The following RBFOX1 variants were observed in gnomAD, a reference collection of about 807,000 sequenced individuals.
The protein encoded by RBFOX1 is RNA binding protein fox-1 homolog 1.
Under a neutral mutation model 57.7 loss-of-function variants are expected in RBFOX1, and 8 were observed. The observed-to-expected ratio is 0.14, with a 90% CI of 0.08 to 0.25. The LOEUF (loss-of-function observed/expected upper bound fraction) is 0.25, where lower values mean the gene tolerates loss of function less well. Among genes scored for constraint, RBFOX1 ranks in the 10% least tolerant of loss-of-function variants. The pLI is 1.00. For synonymous variants in RBFOX1, 326 were observed against 222.4 expected (o/e 1.47, Z -4.15); for missense variants, 611 against 548.5 (o/e 1.11, Z -1.14).
chr16:7,626,464 A>G (rs1387164630), intron 10 of RBFOX1, among the ~76,000 whole-genome samples: 1 of 152,144 alleles, frequency 6.6e-6, no homozygotes, highest in Non-Finnish European at 1.5e-5. Flanking sequence ...GATGCCGATG[A>G]TCCCGGCACT....
At chr16:5,748,996 C>T (rs2053089591) in intron 3 of RBFOX1, among the ~76,000 whole-genome samples, 1 of 152,182 alleles carries the variant, frequency 6.6e-6, no homozygotes, top group Non-Finnish European at 1.5e-5. Context: ...CATGTTTTTG[C>T]AGTGGCTGGT....
chr16:5,791,542 G>A (rs1015695191), intron 3 of RBFOX1, among the ~76,000 whole-genome samples: 1 of 152,072 alleles, frequency 6.6e-6, no homozygotes, highest in Non-Finnish European at 1.5e-5. Flanking sequence ...CTGACAGGCA[G>A]GCAGCACACA....
intron 4 of RBFOX1, among the ~76,000 whole-genome samples, chr16:7,259,375 A>C (rs2094826929): frequency 6.6e-6 from 1 of 152,166 alleles, no homozygotes; most frequent in African/African-American, 2.4e-5. Flanking sequence ...GTCGTTCAGC[A>C]CACATCACAT....
At chr16:5,897,271 A>G (rs930775907) in intron 4 of RBFOX1, among the ~76,000 whole-genome samples, 1 of 149,342 alleles carries the variant, frequency 6.7e-6, no homozygotes. Flanking sequence ...TCCTGACCTC[A>G]TGATCCACCC....
intron 3 of RBFOX1, among the ~76,000 whole-genome samples, chr16:5,796,639 GCTGA>G (rs916745779): frequency 3.3e-5 from 5 of 152,186 alleles, no homozygotes; most frequent in African/African-American, 1.2e-4. Flanking sequence ...CACTTACGGT[GCTGA>G]CTGTTTACTT....
chr16:7,243,896 A>G lies in RBFOX1; in HGVS notation c.27+191798A>G, dbSNP rs530829251. Among the ~76,000 whole-genome samples, 148 of 152,240 alleles carry G rather than the reference A, an allele frequency of 9.7e-4. 3 individuals carry two copies. In the South Asian group the frequency reaches 0.028, roughly 29 times the overall value. The stretch of plus-strand genomic sequence containing the variant: ...ATTATGTTATAATCTGGGATTTCAC[A>G]TAATCAAAACTCTTAATTTCTAATG... On this transcript the variant is annotated intron_variant, in intron 4 of 15. Transcript: ENST00000550418.
In RBFOX1 at chr16:5,998,671, C is replaced by G. The variant is rs76354919; in HGVS notation, c.351+131336C>G. Reference sequence around the variant, plus strand: ...AATCCTGAGTGCACTGGTGTGTTGTCGTCCCATCCGAATGTCCTTTCTGCT... The same window carrying G: ...AATCCTGAGTGCACTGGTGTGTTGTGGTCCCATCCGAATGTCCTTTCTGCT... On this transcript the variant is annotated intron_variant, in intron 4 of 19. Coordinates refer to the RBFOX1 transcript ENST00000641259. 2.6e-5 allele frequency among the ~76,000 whole-genome samples: 4 copies of G among 152,228 alleles called. No homozygotes were observed. In the South Asian group the frequency reaches 6.2e-4, roughly 24 times the overall value.
intron 1 of RBFOX1, among the ~76,000 whole-genome samples, chr16:6,253,975 T>C (rs10500338): frequency 0.59 from 89,655 of 151,846 alleles, 29,054 homozygotes; most frequent in East Asian, 0.81. Context: ...ACAGAACTCT[T>C]ATAAAGAACC....
At chr16:5,872,183 G>C (rs2057490741) in intron 4 of RBFOX1, among the ~76,000 whole-genome samples, 1 of 152,204 alleles carries the variant, frequency 6.6e-6, no homozygotes. Context: ...CAGAAGATCA[G>C]TCCTAGCCAT....
intron 4 of RBFOX1, among the ~76,000 whole-genome samples, chr16:7,229,363 A>C (rs2093343960): frequency 6.6e-6 from 1 of 152,150 alleles, no homozygotes; most frequent in African/African-American, 2.4e-5. Flanking sequence ...ATTAACCTTA[A>C]AGATAATGAA....
intron 1 of RBFOX1, among the ~76,000 whole-genome samples, chr16:6,082,384 A>C (rs1323695437): frequency 4.8e-5 from 1 of 21,002 alleles, no homozygotes; most frequent in Admixed American, 5.9e-4. Flanking sequence ...TTGGATTTTT[A>C]GTAGTCATGG....
At chr16:7,161,975 A>G (rs755867699) in intron 4 of RBFOX1, among the ~76,000 whole-genome samples, 13 of 152,200 alleles carry the variant, frequency 8.5e-5, no homozygotes, top group Non-Finnish European at 1.3e-4. Context: ...CACTAAAAAC[A>G]TATTTGTTCC....
At chr16:6,705,978 A>T (rs998154844) in intron 3 of RBFOX1, among the ~76,000 whole-genome samples, 2 of 152,170 alleles carry the variant, frequency 1.3e-5, no homozygotes, top group African/African-American at 4.8e-5. Context: ...AGATGGTGCC[A>T]CTGAACTCCA....
intron 4 of RBFOX1, among the ~76,000 whole-genome samples, chr16:7,104,833 T>A (rs2063297937): frequency 6.6e-6 from 1 of 152,122 alleles, no homozygotes; most frequent in Non-Finnish European, 1.5e-5. Context: ...ACAAAACACA[T>A]TCTTCAAGGG....
At chr16:5,918,472 G>C (rs2041259) in intron 4 of RBFOX1, among the ~76,000 whole-genome samples, 71,747 of 152,084 alleles carry the variant, frequency 0.47, 18,060 homozygotes, top group African/African-American at 0.65. Context: ...ACATCCCAGA[G>C]CATGCACCTA....
chr16:5,642,798 G>A (rs78040524), intron 3 of RBFOX1, among the ~76,000 whole-genome samples: 1 of 152,134 alleles, frequency 6.6e-6, no homozygotes, highest in Non-Finnish European at 1.5e-5. Flanking sequence ...CCTGATGTGT[G>A]TCTTACCCAG....
At chr16:5,513,631 T>C (rs1180813061) in intron 2 of RBFOX1, among the ~76,000 whole-genome samples, 1 of 152,240 alleles carries the variant, frequency 6.6e-6, no homozygotes, top group African/African-American at 2.4e-5. Flanking sequence ...ATGGGATATT[T>C]GTTTATTCCC....
At chr16:6,345,502 C>G (rs1211754258) in intron 2 of RBFOX1, among the ~76,000 whole-genome samples, 8 of 152,152 alleles carry the variant, frequency 5.3e-5, no homozygotes, top group Non-Finnish European at 1.2e-4. Context: ...CTCCCCCAGC[C>G]CTGTTTTAGC....
intron 1 of RBFOX1, among the ~76,000 whole-genome samples, chr16:6,134,467 C>T (rs143489024): frequency 3.2e-4 from 48 of 152,222 alleles, no homozygotes; most frequent in Admixed American, 1.6e-3. Context: ...GTACTAGTTC[C>T]CTGCCATCCA....
Sources: gnomAD v4.1 joint callset for allele counts (sites outside exome capture counted in the v4.1 genomes callset) on GRCh38, gnomAD v4.1.1 for gene constraint, MANE v1.5 for transcripts, NCBI Gene and HGNC (gene_info 2026-07-23, HGNC 2026-07-21) for gene names.